Variants in CAP1 observed in about 807,000 individuals in gnomAD.
CAP1 encodes the protein cyclase associated actin cytoskeleton regulatory protein 1, also known as adenylyl cyclase-associated protein 1.
CAP1 carries 11 observed loss-of-function variants against 58.2 expected under a neutral mutation model. The ratio of observed to expected loss-of-function variants is 0.19; its 90% CI spans 0.12 to 0.31. The LOEUF is 0.31. Among genes scored for constraint, CAP1 ranks in the 10% least tolerant of loss-of-function variants. The probability of loss-of-function intolerance (pLI) is 1.00; values close to 1 mark genes in which losing one functional copy is unlikely to be tolerated. For missense variants in CAP1, 423 were observed against 587.5 expected (o/e 0.72, Z 2.89); for synonymous variants, 183 against 213.8 (o/e 0.86, Z 1.26).
Position 40,070,144 on chromosome 1 carries a change from A to ATC in CAP1, c.994-7_994-6dup. The ATC allele has an allele frequency of 6.2e-7, 1 of 1,613,758 alleles. No individual in the cohort carries two copies. On this transcript the variant is annotated splice_polypyrimidine_tract_variant and intron_variant, in intron 9 of 12. Coordinates refer to ENST00000372805, the MANE Select transcript of CAP1 (RefSeq NM_006367.4). ...TGTGCTTTGTGATGAGAATCCTGGG[A>ATC]TCTCTCTCTAACAGGAAAATCAGGA...
chr1:40,062,070 C>G (rs1361004671), intron 4 of CAP1, among the ~76,000 whole-genome samples: 1 of 152,152 alleles, frequency 6.6e-6, no homozygotes, highest in Non-Finnish European at 1.5e-5. Context: ...GCTTGCCTGC[C>G]TCTTTGCTGA....
intron 4 of CAP1, among the ~76,000 whole-genome samples, chr1:40,062,664 C>T (rs1293567440): frequency 6.6e-6 from 1 of 151,958 alleles, no homozygotes; most frequent in Non-Finnish European, 1.5e-5. Context: ...ACTTGAGAGG[C>T]TGAAATGGGA....
chr1:40,043,466 G>A (rs1213397230), intron 1 of CAP1, among the ~76,000 whole-genome samples: 1 of 152,162 alleles, frequency 6.6e-6, no homozygotes, highest in African/African-American at 2.4e-5. Context: ...AAAGTGTTGT[G>A]ATTACAGGTG....
chr1:40,043,078 A>G (rs1645914540), intron 1 of CAP1, among the ~76,000 whole-genome samples: 1 of 152,224 alleles, frequency 6.6e-6, no homozygotes, highest in Admixed American at 6.5e-5. Flanking sequence ...GGAAAGAGCA[A>G]GAGTAAAGAT....
intron 1 of CAP1, 139 bp from the exon 2 acceptor site, chr1:40,059,198 T>C: frequency 1.8e-6 from 1 of 558,302 alleles, no homozygotes; most frequent in Non-Finnish European, 3.2e-6. Context: ...AGATGATATC[T>C]AATTTTATTA....
intron 3 of CAP1, 55 bp from the exon 4 acceptor site, chr1:40,061,680 T>C (rs534046837): frequency 1.4e-6 from 2 of 1,440,680 alleles, no homozygotes; most frequent in Admixed American, 1.7e-5. Context: ...GTTATTCTTA[T>C]CAAGACTTCT....
intron 1 of CAP1, among the ~76,000 whole-genome samples, chr1:40,053,681 A>T (rs58483454): frequency 0.14 from 21,609 of 152,108 alleles, 1,843 homozygotes; most frequent in African/African-American, 0.24. Context: ...TCCCGACCTC[A>T]GGTGACCCAC....
chr1:40,055,446 A>G lies in CAP1; in HGVS notation c.-10-3891A>G, dbSNP rs146518647. Among the ~76,000 whole-genome samples the G allele has an allele frequency of 6.2e-3, 949 of 152,312 alleles. 8 individuals are homozygous for G. The highest frequency in any genetic ancestry group is 0.022 in the African/African-American group (905 of 41,578). The stretch of plus-strand genomic sequence containing the variant: ...CTATAATATGGAGAATGGATGAACA[A>G]AGTTTATTACTGTAACTAGGGGAGA... On this transcript the variant is annotated intron_variant, in intron 1 of 12. Transcript: ENST00000372805.
intron 8 of CAP1, among the ~76,000 whole-genome samples, chr1:40,068,283 T>G (rs890226164): frequency 2.0e-5 from 3 of 152,148 alleles, no homozygotes; most frequent in Non-Finnish European, 2.9e-5. Context: ...ATTTTTTTAT[T>G]TTTTTTGAGA....
At chr1:40,059,752 CA>C (rs2124345255) in intron 2 of CAP1, among the ~76,000 whole-genome samples, 1 of 152,274 alleles carries the variant, frequency 6.6e-6, no homozygotes, top group African/African-American at 2.4e-5. Flanking sequence ...TCTCTCCAAA[CA>C]ATTGGCAAAT....
intron 1 of CAP1, among the ~76,000 whole-genome samples, chr1:40,048,548 G>A (rs1646211257): frequency 6.6e-6 from 1 of 152,098 alleles, no homozygotes; most frequent in African/African-American, 2.4e-5. Context: ...TAATTTAGAA[G>A]GGATAGTCAA....
At chr1:40,070,308 A>G (rs1647638889) in intron 10 of CAP1, 26 bp downstream of exon 10, 2 of 1,613,812 alleles carry the variant, frequency 1.2e-6, no homozygotes, top group Non-Finnish European at 1.7e-6. Flanking sequence ...TGTCCCACGC[A>G]AGCCCCGTCC....
chr1:40,068,734 C>T (rs1008736789), intron 8 of CAP1, among the ~76,000 whole-genome samples: 1 of 152,044 alleles, frequency 6.6e-6, no homozygotes, highest in Admixed American at 6.6e-5. Context: ...TAGATCTGGC[C>T]ATGTTCAAAG....
At chr1:40,062,125 C>G (rs1557688551) in intron 4 of CAP1, among the ~76,000 whole-genome samples, 1 of 152,154 alleles carries the variant, frequency 6.6e-6, no homozygotes, top group East Asian at 1.9e-4. Flanking sequence ...AAAGATGATT[C>G]TCTTGCTTCA....
intron 1 of CAP1, 84 bp from the exon 2 acceptor site, chr1:40,059,253 G>A: frequency 1.3e-6 from 1 of 749,162 alleles, no homozygotes; most frequent in South Asian, 1.6e-5. Flanking sequence ...ATCCACCTGG[G>A]GATGACCAGG....
chr1:40,044,827 C>T (rs1288836352), intron 1 of CAP1, among the ~76,000 whole-genome samples: 1 of 113,768 alleles, frequency 8.8e-6, no homozygotes, highest in African/African-American at 3.5e-5. Context: ...GACAGAGTCT[C>T]TATCTGTCAC....
At position 40,061,752 on chromosome 1, in the gene CAP1, A is replaced by G. The variant is rs774577243; in HGVS notation, c.234A>G (p.Thr78=). 6.2e-7 allele frequency: 1 copy of G among 1,614,088 alleles called. No individual in the cohort carries two copies. Among genetic ancestry groups the G allele is most frequent in the Non-Finnish European group, 8.5e-7 (1 of 1,179,928 alleles). The change falls in exon 4 of 13, where the codon ACA becomes ACG. Residue 78 remains threonine (T), a synonymous_variant. Coordinates refer to ENST00000372805, the MANE Select transcript of CAP1 (RefSeq NM_006367.4). The part of the protein sequence containing the change: ...DVQKHAEMVH[T]GLKLERALLV... ...TCTGGCAGGCGGAGATGGTCCACAC[A>G]GGTTTGAAGTTGGAGCGAGCTCTGT...
At chr1:40,054,338 A>C (rs1361780611) in intron 1 of CAP1, among the ~76,000 whole-genome samples, 1 of 151,862 alleles carries the variant, frequency 6.6e-6, no homozygotes, top group Non-Finnish European at 1.5e-5. Flanking sequence ...CTACAGGCGC[A>C]TACCACCACG....
chr1:40,041,737 G>C (rs1645840491), intron 1 of CAP1, among the ~76,000 whole-genome samples: 1 of 152,222 alleles, frequency 6.6e-6, no homozygotes. Flanking sequence ...TGCCCGCGTG[G>C]AGCTAGCAGT....
Sources: allele counts gnomAD v4.1 joint callset (sites outside exome capture counted in the v4.1 genomes callset), GRCh38; gene constraint gnomAD v4.1.1; transcripts MANE v1.5; gene names NCBI Gene and HGNC (gene_info 2026-07-23, HGNC 2026-07-21).